The following UBE2E2 variants were observed in gnomAD, a reference collection of about 807,000 sequenced individuals.
UBE2E2 encodes the protein ubiquitin-conjugating enzyme E2 E2.
UBE2E2 carries 6 observed loss-of-function variants against 24.7 expected under a neutral mutation model. That is an observed-to-expected ratio of 0.24 (90% CI 0.13 to 0.48). The LOEUF is 0.48. UBE2E2 is among the 20% of genes least tolerant of loss of function. UBE2E2 has a pLI of 0.99. For synonymous variants in UBE2E2, 104 were observed against 83.6 expected, an observed-to-expected ratio of 1.24 and a Z score of -1.33; for missense variants, 169 against 245.0, an observed-to-expected ratio of 0.69 and a Z score of 2.07.
chr3:23,322,965 C>T lies in UBE2E2; in HGVS notation c.227+105653C>T, dbSNP rs963856543. Reference sequence around the variant, plus strand: ...GGCATTTTCTTGTCTCCTTTCACAACATACGTGGTTCAGTAAAACATAAAA... The same window carrying T: ...GGCATTTTCTTGTCTCCTTTCACAATATACGTGGTTCAGTAAAACATAAAA... On this transcript the variant is annotated intron_variant, in intron 3 of 5. Transcript: ENST00000396703. Among the ~76,000 whole-genome samples the T allele has an allele frequency of 2.0e-5, 3 of 151,866 alleles. 1 individual carries two copies. In the South Asian group the frequency reaches 6.2e-4, roughly 32 times the overall value.
At chr3:23,383,180 G>C (rs1199944826) in intron 3 of UBE2E2, among the ~76,000 whole-genome samples, 1 of 152,090 alleles carries the variant, frequency 6.6e-6, no homozygotes, top group Non-Finnish European at 1.5e-5. Context: ...GGGACTCAGG[G>C]TTTTAACTTA....
chr3:23,574,130 A>C (rs1696289211), intron 5 of UBE2E2, among the ~76,000 whole-genome samples: 1 of 152,186 alleles, frequency 6.6e-6, no homozygotes, highest in Admixed American at 6.5e-5. Flanking sequence ...ACAGAACGAC[A>C]AGCTTCACAT....
At chr3:23,423,666 G>A (rs1278180953) in intron 3 of UBE2E2, among the ~76,000 whole-genome samples, 1 of 152,116 alleles carries the variant, frequency 6.6e-6, no homozygotes, top group Non-Finnish European at 1.5e-5. Context: ...CTAGATCAGT[G>A]ATTGTAATAG....
At chr3:23,301,750 A>G (rs1459208938) in intron 3 of UBE2E2, among the ~76,000 whole-genome samples, 1 of 152,194 alleles carries the variant, frequency 6.6e-6, no homozygotes, top group Non-Finnish European at 1.5e-5. Context: ...TTGAGGAGGC[A>G]GTCTGCCTGT....
At chr3:23,415,572 G>A (rs1048610762) in intron 3 of UBE2E2, among the ~76,000 whole-genome samples, 1 of 152,054 alleles carries the variant, frequency 6.6e-6, no homozygotes, top group Non-Finnish European at 1.5e-5. Flanking sequence ...TCTTACTGTG[G>A]GTCGTGGAGA....
intron 5 of UBE2E2, among the ~76,000 whole-genome samples, chr3:23,555,510 G>C (rs1321144489): frequency 6.6e-6 from 1 of 152,104 alleles, no homozygotes; most frequent in Non-Finnish European, 1.5e-5. Flanking sequence ...CCCTCTGCTG[G>C]ATATATACCC....
chr3:23,312,251 T>A (rs1694426075), intron 3 of UBE2E2, among the ~76,000 whole-genome samples: 1 of 152,158 alleles, frequency 6.6e-6, no homozygotes, highest in South Asian at 2.1e-4. Flanking sequence ...CTTTATAAAT[T>A]ACCCAGACTC....
chr3:23,497,446 T>G (rs1478411423), intron 3 of UBE2E2, among the ~76,000 whole-genome samples: 1 of 152,224 alleles, frequency 6.6e-6, no homozygotes, highest in African/African-American at 2.4e-5. Context: ...CTGAGTTCAT[T>G]GCAATAGCAA....
chr3:23,355,867 C>A (rs1181335135), intron 3 of UBE2E2, among the ~76,000 whole-genome samples: 1 of 152,196 alleles, frequency 6.6e-6, no homozygotes, highest in Non-Finnish European at 1.5e-5. Context: ...TTCGTACATA[C>A]CTCTCTCTAA....
At chr3:23,511,723 C>G (rs1262403359) in intron 4 of UBE2E2, among the ~76,000 whole-genome samples, 4 of 152,090 alleles carry the variant, frequency 2.6e-5, no homozygotes, top group Non-Finnish European at 1.5e-5. Flanking sequence ...ATTAAGTTCT[C>G]ACTGTTTGGG....
At chr3:23,336,561 G>C (rs1162599231) in intron 3 of UBE2E2, among the ~76,000 whole-genome samples, 1 of 152,148 alleles carries the variant, frequency 6.6e-6, no homozygotes, top group East Asian at 1.9e-4. Flanking sequence ...AGACATACTG[G>C]TCCTTGCATT....
In UBE2E2 at chr3:23,481,186, A is replaced by G. The variant is rs1159403821; in HGVS notation, c.228-18422A>G. On this transcript the variant is annotated intron_variant, in intron 3 of 5. Transcript: ENST00000396703. ...GGCATAAGCACTTGACAGATTCAAA[A>G]AAGATAGGACTGTTGGTTGTCTATA... 2.0e-5 allele frequency among the ~76,000 whole-genome samples: 3 copies of G among 152,346 alleles called. No individual in the cohort carries two copies. The East Asian group carries it at 5.8e-4, about 29-fold the overall frequency.
intron 5 of UBE2E2, among the ~76,000 whole-genome samples, chr3:23,574,028 T>C (rs761326899): frequency 3.3e-5 from 5 of 151,996 alleles, no homozygotes; most frequent in Non-Finnish European, 5.9e-5. Flanking sequence ...TGCAATGGAG[T>C]ACTATTCAAC....
chr3:23,404,321 T>C (rs1697304223), intron 3 of UBE2E2, among the ~76,000 whole-genome samples: 1 of 152,208 alleles, frequency 6.6e-6, no homozygotes, highest in South Asian at 2.1e-4. Context: ...TTGCTCCCTC[T>C]CTGCCTCCAT....
intron 3 of UBE2E2, among the ~76,000 whole-genome samples, chr3:23,479,081 T>G (rs1185749815): frequency 6.6e-6 from 1 of 152,112 alleles, no homozygotes; most frequent in East Asian, 1.9e-4. Context: ...CAGAAACTTC[T>G]GTGGTAGGTG....
chr3:23,543,898 C>A (rs1294953374), intron 5 of UBE2E2, among the ~76,000 whole-genome samples: 1 of 151,990 alleles, frequency 6.6e-6, no homozygotes, highest in Non-Finnish European at 1.5e-5. Context: ...AATATTGAAC[C>A]CAGAAATAAA....
chr3:23,333,464 C>T lies in UBE2E2; in HGVS notation c.227+116152C>T, dbSNP rs186771321. On this transcript the variant is annotated intron_variant, in intron 3 of 5. Transcript: ENST00000396703. ...CAGTAGGGAGGGAGAACCTCAGGGACAGGTTTTCCTCCCCAACTCCCCCTA... is the reference window on the plus strand; with the variant it reads ...CAGTAGGGAGGGAGAACCTCAGGGATAGGTTTTCCTCCCCAACTCCCCCTA... Among the ~76,000 whole-genome samples the T allele has an allele frequency of 6.2e-3, 946 of 152,174 alleles. 14 individuals are homozygous for T. The highest frequency in any genetic ancestry group is 0.021 in the African/African-American group (873 of 41,532).
chr3:23,431,602 A>G (rs1250233507), intron 3 of UBE2E2, among the ~76,000 whole-genome samples: 9 of 152,202 alleles, frequency 5.9e-5, no homozygotes, highest in Admixed American at 2.6e-4. Context: ...GAGCTGTCTT[A>G]TAAGTTGTAA....
At chr3:23,389,285 C>T (rs987811030) in intron 3 of UBE2E2, among the ~76,000 whole-genome samples, 1 of 152,210 alleles carries the variant, frequency 6.6e-6, no homozygotes, top group East Asian at 1.9e-4. Flanking sequence ...CTCAAGCAAG[C>T]TCTGTGAGTT....
Sources: gnomAD v4.1 joint callset for allele counts (sites outside exome capture counted in the v4.1 genomes callset) on GRCh38, gnomAD v4.1.1 for gene constraint, MANE v1.5 for transcripts, NCBI Gene and HGNC (gene_info 2026-07-23, HGNC 2026-07-21) for gene names.